The following FIP1L1 variants were observed in gnomAD, a reference collection of about 807,000 sequenced individuals.
FIP1L1 encodes the protein pre-mRNA 3'-end-processing factor FIP1.
In FIP1L1, 21 loss-of-function variants were observed where a neutral mutation model predicts 84.6. The observed-to-expected ratio is 0.25, with a 90% CI of 0.18 to 0.36. The LOEUF (loss-of-function observed/expected upper bound fraction) is 0.36. Ranked by LOEUF, FIP1L1 falls within the 10% of genes least tolerant of loss-of-function variation. FIP1L1 has a pLI of 1.00. For synonymous variants in FIP1L1, 263 were observed against 242.3 expected (o/e 1.09, Z -0.80); for missense variants, 526 against 751.1 (o/e 0.70, Z 3.50).
chr4:53,388,216 G>C (rs1742166915), intron 5 of FIP1L1, among the ~76,000 whole-genome samples: 2 of 152,130 alleles, frequency 1.3e-5, no homozygotes, highest in South Asian at 4.1e-4. Context: ...ATTATTATTA[G>C]ACCCAAAGCA....
intron 17 of FIP1L1, 152 bp downstream of exon 17, chr4:53,458,942 A>T (rs1332281930): frequency 2.4e-5 from 21 of 890,788 alleles, no homozygotes; most frequent in Middle Eastern, 3.1e-4. Context: ...AAATTTTTTT[A>T]AAAAAGCATT....
At chr4:53,457,450 TAAATAA>T (rs1719844681) in intron 16 of FIP1L1, among the ~76,000 whole-genome samples, 1 of 152,164 alleles carries the variant, frequency 6.6e-6, no homozygotes, top group African/African-American at 2.4e-5. Flanking sequence ...TCTGTTTTTT[TAAATAA>T]GATTCTAAAA....
chr4:53,431,679 T>TA (rs1339818197), intron 13 of FIP1L1, among the ~76,000 whole-genome samples: 6 of 152,222 alleles, frequency 3.9e-5, no homozygotes, highest in Non-Finnish European at 8.8e-5. Context: ...GGAAGAGTCC[T>TA]ACTTTATACC....
At chr4:53,385,091 G>T (rs575641475) in intron 5 of FIP1L1, among the ~76,000 whole-genome samples, 2 of 152,200 alleles carry the variant, frequency 1.3e-5, no homozygotes, top group South Asian at 4.1e-4. Flanking sequence ...CATGTTAGGG[G>T]TGGATATTCT....
At chr4:53,406,588 C>T (rs1167636405) in intron 10 of FIP1L1, among the ~76,000 whole-genome samples, 2 of 152,108 alleles carry the variant, frequency 1.3e-5, no homozygotes, top group Admixed American at 1.3e-4. Flanking sequence ...GGAATGGTAC[C>T]AGTTCCTCCT....
At chr4:53,381,682 G>A (rs1317410047) in intron 3 of FIP1L1, among the ~76,000 whole-genome samples, 1 of 148,638 alleles carries the variant, frequency 6.7e-6, no homozygotes, top group Non-Finnish European at 1.5e-5. Context: ...TTTTTAAAAT[G>A]TGTAAAAAGC....
intron 11 of FIP1L1, among the ~76,000 whole-genome samples, chr4:53,417,655 A>G (rs981977032): frequency 9.3e-5 from 14 of 150,248 alleles, no homozygotes; most frequent in African/African-American, 3.2e-4. Context: ...AAAAAAAAAA[A>G]AAAAAAAAAA....
chr4:53,379,290 T>TG lies in FIP1L1; in HGVS notation c.170+26_170+27insG. On this transcript the variant is annotated intron_variant, in intron 3 of 17. Coordinates refer to ENST00000337488, the MANE Select transcript of FIP1L1 (RefSeq NM_030917.4). ...GTTAGTGAAATTTTCTGTTGATGCC[T>TG]ATTACACAGGTTGTGTGAAACAATG... 3 of 1,563,524 alleles carry TG rather than the reference T, an allele frequency of 1.9e-6. No homozygotes were observed. The South Asian group carries it at 3.7e-5, about 19-fold the overall frequency.
chr4:53,377,801 C>A lies in FIP1L1; in HGVS notation c.-38C>A. The A allele has an allele frequency of 1.3e-6, 2 of 1,515,328 alleles. No homozygotes were observed. The highest frequency in any genetic ancestry group is 8.9e-7 in the Non-Finnish European group (1 of 1,125,996). The allele number at this position is 1,515,328 out of a possible 1,614,324, so 93.9% of individuals were successfully genotyped here. A position where few individuals can be genotyped will look rare whatever the true frequency, so the allele number is the denominator to read the frequency against. On this transcript the variant is annotated 5_prime_UTR_variant, in exon 1 of 18. It adds an upstream start codon to the 5' untranslated region. Coordinates refer to ENST00000337488, the MANE Select transcript of FIP1L1 (RefSeq NM_030917.4). ...AGGCTGGGGAAGGGGTTGGAGGGGG[C>A]TGTTGATCGCCGCGTTTAAGTTGCG...
intron 13 of FIP1L1, among the ~76,000 whole-genome samples, chr4:53,442,063 A>G (rs1772172387): frequency 6.6e-6 from 1 of 152,034 alleles, no homozygotes; most frequent in Admixed American, 6.6e-5. Flanking sequence ...ATATAGAGGT[A>G]CAAATTATAT....
chr4:53,450,204 A>T (rs1775820827), intron 15 of FIP1L1, among the ~76,000 whole-genome samples: 1 of 152,130 alleles, frequency 6.6e-6, no homozygotes, highest in Non-Finnish European at 1.5e-5. Flanking sequence ...TTCTGGAACA[A>T]CTTGTATCCC....
chr4:53,437,972 G>A (rs1490636062), intron 13 of FIP1L1, among the ~76,000 whole-genome samples: 1 of 152,002 alleles, frequency 6.6e-6, no homozygotes, highest in Non-Finnish European at 1.5e-5. Flanking sequence ...TGATCTACCT[G>A]CCTTGGCCTC....
At chr4:53,415,075 AACATTC>A (rs1758889322) in intron 11 of FIP1L1, among the ~76,000 whole-genome samples, 1 of 152,172 alleles carries the variant, frequency 6.6e-6, no homozygotes, top group African/African-American at 2.4e-5. Context: ...AATAAAACCT[AACATTC>A]TGAGCCAGTA....
intron 16 of FIP1L1, among the ~76,000 whole-genome samples, chr4:53,457,626 A>G (rs1719966532): frequency 6.6e-6 from 1 of 152,096 alleles, no homozygotes; most frequent in Admixed American, 6.6e-5. Context: ...ATTCCTTACC[A>G]TCTTGATGTT....
At chr4:53,411,853 G>A (rs553985827) in intron 10 of FIP1L1, among the ~76,000 whole-genome samples, 13 of 151,946 alleles carry the variant, frequency 8.6e-5, no homozygotes, top group African/African-American at 1.2e-4. Context: ...ATCTTTAAAC[G>A]TTAGCATCTT....
intron 15 of FIP1L1, among the ~76,000 whole-genome samples, chr4:53,447,986 A>C (rs1774915399): frequency 6.6e-6 from 1 of 152,058 alleles, no homozygotes. Context: ...TCAGATTAGG[A>C]AATCTCAACC....
At chr4:53,379,290 T>C (rs1373825636) in intron 3 of FIP1L1, 26 bp downstream of exon 3, 1 of 1,563,524 alleles carries the variant, frequency 6.4e-7, no homozygotes, top group Admixed American at 2.0e-5. Context: ...TGTTGATGCC[T>C]ATTACACAGG....
chr4:53,425,053 G>A lies in FIP1L1; in HGVS notation c.924-819G>A, dbSNP rs372566082. ...TGTTTTGCTTCTATAAAGTTTTAAA[G>A]GCAGTATTGTTCAGAACTGAAATAT... On this transcript the variant is annotated intron_variant, in intron 11 of 17. Transcript: ENST00000337488. Among the ~76,000 whole-genome samples the A allele has an allele frequency of 9.9e-5, 15 of 152,138 alleles. No homozygotes were observed. The East Asian group carries it at 2.1e-3, about 22-fold the overall frequency.
At chr4:53,409,338 C>T (rs1400224946) in intron 10 of FIP1L1, among the ~76,000 whole-genome samples, 1 of 152,162 alleles carries the variant, frequency 6.6e-6, no homozygotes, top group African/African-American at 2.4e-5. Flanking sequence ...ATGCTGCTGT[C>T]TGATCGTTCC....
Sources: gnomAD v4.1 joint callset for allele counts (sites outside exome capture counted in the v4.1 genomes callset) on GRCh38, gnomAD v4.1.1 for gene constraint, MANE v1.5 for transcripts, NCBI Gene and HGNC (gene_info 2026-07-23, HGNC 2026-07-21) for gene names.